Variants in MCC observed in about 807,000 individuals in gnomAD.
The protein encoded by MCC is colorectal mutant cancer protein.
MCC carries 90 observed loss-of-function variants against 116.2 expected under a neutral mutation model. That is an observed-to-expected ratio of 0.77 (90% CI 0.65 to 0.92). The LOEUF (loss-of-function observed/expected upper bound fraction) is 0.92, where lower values mean the gene tolerates loss of function less well. Among genes scored for constraint, MCC ranks in the 40% least tolerant of loss-of-function variants. The pLI, the probability that MCC is intolerant of heterozygous loss-of-function variation, is 0.00. For synonymous variants in MCC, 578 were observed against 510.5 expected (o/e 1.13, Z -1.78); for missense variants, 1,516 against 1,312.2 (o/e 1.16, Z -2.40).
intron 5 of MCC, among the ~76,000 whole-genome samples, chr5:113,128,262 T>C (rs1167089662): frequency 1.3e-5 from 2 of 152,228 alleles, no homozygotes; most frequent in African/African-American, 4.8e-5. Flanking sequence ...CAGATGGTCA[T>C]CTGCCTGCTT....
intron 3 of MCC, among the ~76,000 whole-genome samples, chr5:113,212,757 G>C (rs985053246): frequency 6.6e-6 from 1 of 152,162 alleles, no homozygotes; most frequent in Admixed American, 6.5e-5. Context: ...CTCAGTTCCT[G>C]CCCACAGGGA....
intron 14 of MCC, among the ~76,000 whole-genome samples, chr5:113,058,679 C>G (rs1461320213): frequency 6.6e-6 from 1 of 152,214 alleles, no homozygotes; most frequent in Non-Finnish European, 1.5e-5. Context: ...TCCTCCTCTG[C>G]CACTTCCTTG....
At chr5:113,322,279 C>A (rs1767439621) in intron 3 of MCC, among the ~76,000 whole-genome samples, 1 of 152,148 alleles carries the variant, frequency 6.6e-6, no homozygotes, top group African/African-American at 2.4e-5. Context: ...AAATATGTAA[C>A]CATTGCAGTT....
chr5:113,044,461 C>T, intron 16 of MCC: 1 of 981,490 alleles, frequency 1.0e-6, no homozygotes. Flanking sequence ...AGTACCATGG[C>T]TGGGGGAAGG....
At chr5:113,217,867 A>G (rs1022410809) in intron 3 of MCC, among the ~76,000 whole-genome samples, 1 of 152,146 alleles carries the variant, frequency 6.6e-6, no homozygotes, top group African/African-American at 2.4e-5. Flanking sequence ...CAGAAAGGAC[A>G]TGAGCACATG....
At chr5:113,198,706 CAAAAA>C (rs530273754) in intron 3 of MCC, among the ~76,000 whole-genome samples, 1 of 99,910 alleles carries the variant, frequency 1.0e-5, no homozygotes, top group Non-Finnish European at 2.3e-5. Flanking sequence ...ACCCCCACCT[CAAAAA>C]AAAAAAAAAA....
chr5:113,100,791 T>C (rs555390902), intron 8 of MCC, among the ~76,000 whole-genome samples: 24 of 152,128 alleles, frequency 1.6e-4, no homozygotes, highest in Non-Finnish European at 3.2e-4. Context: ...CCCTTCTAAG[T>C]CAACTTTATC....
chr5:113,333,812 T>TATATGTATATATGTAC (rs1767767562), intron 3 of MCC, among the ~76,000 whole-genome samples: 8 of 53,630 alleles, frequency 1.5e-4, no homozygotes, highest in African/African-American at 5.7e-4. Flanking sequence ...TATATATGTA[T>TATATGTATATATGTAC]ATATGTACAT....
intron 17 of MCC, among the ~76,000 whole-genome samples, chr5:113,036,012 C>CTTTTTTTTTTTTTTT (rs771378295): frequency 4.8e-5 from 3 of 62,942 alleles, no homozygotes; most frequent in African/African-American, 2.0e-4. Flanking sequence ...GGATGAGGAA[C>CTTTTTTTTTTTTTTT]TTTTTTTTTT....
intron 11 of MCC, among the ~76,000 whole-genome samples, chr5:113,079,681 G>A (rs1754716136): frequency 6.6e-6 from 1 of 152,198 alleles, no homozygotes; most frequent in Non-Finnish European, 1.5e-5. Flanking sequence ...AGATTTAAAT[G>A]TTAGACCTAA....
intron 11 of MCC, 26 bp from the exon 12 acceptor site, chr5:113,071,260 A>G (rs531804808): frequency 2.1e-5 from 34 of 1,608,252 alleles, no homozygotes; most frequent in Non-Finnish European, 2.9e-5. Context: ...AATCAGATTC[A>G]CACTAGGGTT....
intron 1 of MCC, chr5:113,433,080 G>A (rs181122652): frequency 0.011 from 1,693 of 153,356 alleles, 36 homozygotes; most frequent in Non-Finnish European, 0.01. Flanking sequence ...CACATATGGG[G>A]CACAAGATTT....
intron 4 of MCC, among the ~76,000 whole-genome samples, chr5:113,145,763 C>A (rs1001664320): frequency 7.9e-5 from 8 of 101,624 alleles, no homozygotes; most frequent in Middle Eastern, 5.2e-3. Context: ...CACACACACA[C>A]ACACACACAC....
intron 15 of MCC, among the ~76,000 whole-genome samples, chr5:113,050,012 G>A (rs770252475): frequency 6.6e-6 from 1 of 152,212 alleles, no homozygotes; most frequent in African/African-American, 2.4e-5. Flanking sequence ...CTGGGACCAG[G>A]AGCCAGTAAC....
chr5:113,277,101 G>C (rs1765859787), intron 3 of MCC, among the ~76,000 whole-genome samples: 1 of 151,914 alleles, frequency 6.6e-6, no homozygotes, highest in African/African-American at 2.4e-5. Flanking sequence ...CCAGCACTTT[G>C]GGAGGCCTAG....
At chr5:113,046,648 G>A (rs927102216) in intron 16 of MCC, among the ~76,000 whole-genome samples, 9 of 124,870 alleles carry the variant, frequency 7.2e-5, no homozygotes, top group African/African-American at 1.2e-4. Context: ...AAACACTAGC[G>A]CTCTGTCTCT....
At chr5:113,304,027 A>C (rs1457396107) in intron 3 of MCC, among the ~76,000 whole-genome samples, 1 of 152,138 alleles carries the variant, frequency 6.6e-6, no homozygotes, top group Admixed American at 6.5e-5. Flanking sequence ...ATCTTGAACC[A>C]AAGTCTCTAC....
At chr5:113,464,753 A>G (rs557353848) in intron 1 of MCC, among the ~76,000 whole-genome samples, 3 of 151,732 alleles carry the variant, frequency 2.0e-5, no homozygotes, top group South Asian at 4.2e-4. Context: ...AAATATTTGA[A>G]TAAATTAAAT....
chr5:113,043,698 A>C, intron 16 of MCC, 68 bp from the exon 17 acceptor site: 2 of 1,151,930 alleles, frequency 1.7e-6, no homozygotes, highest in Non-Finnish European at 2.6e-6. Flanking sequence ...AGCCTGCAGC[A>C]GAGCGCGGTA....
Sources: gnomAD v4.1 joint callset for allele counts (sites outside exome capture counted in the v4.1 genomes callset) on GRCh38, gnomAD v4.1.1 for gene constraint, MANE v1.5 for transcripts, NCBI Gene and HGNC (gene_info 2026-07-23, HGNC 2026-07-21) for gene names.